The following HMG20A variants were observed in gnomAD, a reference collection of about 807,000 sequenced individuals.
HMG20A encodes the protein high mobility group 20A.
A neutral mutation model predicts 43.9 loss-of-function variants in HMG20A; 17 were observed. That is an observed-to-expected ratio of 0.39 (90% CI 0.27 to 0.58). The LOEUF (loss-of-function observed/expected upper bound fraction) is 0.58, where lower values mean the gene tolerates loss of function less well. Among genes scored for constraint, HMG20A ranks in the 20% least tolerant of loss-of-function variants. The pLI, the probability that HMG20A is intolerant of heterozygous loss-of-function variation, is 0.59. For synonymous variants in HMG20A, 132 were observed against 147.5 expected (o/e 0.89, Z 0.76); for missense variants, 341 against 438.2 (o/e 0.78, Z 1.98).
At chr15:77,501,492 G>A in the HMG20A span, among the ~76,000 whole-genome samples, 1 of 152,146 alleles carries the variant, frequency 6.6e-6, no homozygotes, top group Non-Finnish European at 1.5e-5. Flanking sequence ...GCTCTCTTGG[G>A]ACTCCATCTG....
At chr15:77,428,406 A>G (rs1388929150) in intron 1 of HMG20A, among the ~76,000 whole-genome samples, 1 of 152,220 alleles carries the variant, frequency 6.6e-6, no homozygotes, top group Non-Finnish European at 1.5e-5. Flanking sequence ...TAAAATAGTA[A>G]CTTAAAGTCT....
intron 3 of HMG20A, among the ~76,000 whole-genome samples, chr15:77,465,232 G>A (rs1400924903): frequency 8.6e-6 from 1 of 115,958 alleles, no homozygotes; most frequent in Non-Finnish European, 1.6e-5. Flanking sequence ...CTGAACTCCA[G>A]CCTGGGCTAC....
chr15:77,497,680 AGAGT>A, the HMG20A span, among the ~76,000 whole-genome samples: 1,889 of 129,704 alleles, frequency 0.015, 15 homozygotes, highest in African/African-American at 0.032. Context: ...AGAGAGAGAG[AGAGT>A]GTGTGTGTGT....
chr15:77,467,162 C>A lies in HMG20A; in HGVS notation c.305C>A (p.Ala102Glu). ...KRKKPLRDSN[A>E]PKSPLTGYVR... ...AAGAAACCTCTTCGAGACAGCAATG[C>A]ACCCAAATCCCCCCTTACAGGATAT... The change falls in exon 4 of 10, where the codon GCA becomes GAA. Residue 102 changes from alanine to glutamate, a missense_variant. Ala to Glu is a moderately radical substitution (Grantham distance 107). This residue lies in a region of HMG20A where 220 missense variants were observed against 263.6 expected (regional missense o/e 0.83). Transcript: ENST00000336216. 3.7e-6 allele frequency: 6 copies of A among 1,614,078 alleles called. No individual in the cohort carries two copies. Among genetic ancestry groups the A allele is most frequent in the Non-Finnish European group, 5.1e-6 (6 of 1,179,960 alleles).
At chr15:77,491,137 A>G in the HMG20A span, among the ~76,000 whole-genome samples, 3 of 152,280 alleles carry the variant, frequency 2.0e-5, no homozygotes, top group African/African-American at 7.2e-5. Flanking sequence ...TGACCATTAG[A>G]AAATCCTGGG....
intron 1 of HMG20A, among the ~76,000 whole-genome samples, chr15:77,441,951 G>A (rs962219132): frequency 3.9e-5 from 6 of 152,088 alleles, no homozygotes; most frequent in African/African-American, 1.4e-4. Flanking sequence ...TTTCGTGTAA[G>A]GCAATTTAGA....
At chr15:77,495,665 A>C in the HMG20A span, among the ~76,000 whole-genome samples, 3 of 152,224 alleles carry the variant, frequency 2.0e-5, no homozygotes, top group South Asian at 6.2e-4. Context: ...AATATGCAGC[A>C]CTCCAAGGCC....
chr15:77,496,626 A>C, the HMG20A span, among the ~76,000 whole-genome samples: 2 of 152,186 alleles, frequency 1.3e-5, no homozygotes, highest in Non-Finnish European at 2.9e-5. Flanking sequence ...TTTCTTCCCC[A>C]GGGGAAAAGA....
intron 9 of HMG20A, chr15:77,482,221 C>T (rs924200426): frequency 4.6e-5 from 7 of 152,042 alleles, no homozygotes; most frequent in African/African-American, 1.5e-4. Flanking sequence ...CATTAAGATA[C>T]ATAGGAAGTA....
intron 2 of HMG20A, among the ~76,000 whole-genome samples, chr15:77,458,957 G>A (rs764663621): frequency 6.6e-4 from 101 of 152,108 alleles, no homozygotes; most frequent in Non-Finnish European, 1.1e-3. Context: ...CCTTTCTGTG[G>A]GATCTTTTGA....
At chr15:77,451,354 T>A (rs968263803) in intron 1 of HMG20A, among the ~76,000 whole-genome samples, 2 of 152,336 alleles carry the variant, frequency 1.3e-5, no homozygotes, top group African/African-American at 4.8e-5. Flanking sequence ...TCTTTTGAAA[T>A]GTCTGTACTG....
At chr15:77,497,291 C>T in the HMG20A span, among the ~76,000 whole-genome samples, 1 of 152,244 alleles carries the variant, frequency 6.6e-6, no homozygotes, top group African/African-American at 2.4e-5. Flanking sequence ...GTGGCACTGT[C>T]TCTGGCCTGT....
chr15:77,466,643 A>G lies in HMG20A; in HGVS notation c.238-452A>G, dbSNP rs200908975. On this transcript the variant is annotated intron_variant, in intron 3 of 9. Coordinates refer to ENST00000336216, the MANE Select transcript of HMG20A (RefSeq NM_001304504.2). Reference sequence around the variant, plus strand: ...TTTCTTCTTTTGCCTGGTGCACGTGACACCATCTTACTCTAATCTGACAAT... The same window carrying G: ...TTTCTTCTTTTGCCTGGTGCACGTGGCACCATCTTACTCTAATCTGACAAT... Among the ~76,000 whole-genome samples the G allele has an allele frequency of 1.4e-4, 22 of 152,256 alleles. No individual in the cohort carries two copies. The East Asian group carries it at 3.1e-3, about 21-fold the overall frequency.
intron 5 of HMG20A, among the ~76,000 whole-genome samples, chr15:77,471,558 G>A (rs2072808610): frequency 6.6e-6 from 1 of 152,134 alleles, no homozygotes; most frequent in South Asian, 2.1e-4. Flanking sequence ...CTAAAGTTAA[G>A]AACTGTGTCT....
chr15:77,435,232 A>G (rs62007307), intron 1 of HMG20A, among the ~76,000 whole-genome samples: 12,121 of 152,208 alleles, frequency 0.08, 592 homozygotes, highest in Non-Finnish European at 0.1. Context: ...TACAGGTGAT[A>G]CAGTCTATGA....
the HMG20A span, among the ~76,000 whole-genome samples, chr15:77,497,254 G>T: frequency 2.6e-5 from 4 of 152,234 alleles, no homozygotes; most frequent in Non-Finnish European, 5.9e-5. Context: ...GCATCTGCTG[G>T]TCCCGTTCCC....
chr15:77,476,154 G>A (rs972765967), intron 6 of HMG20A, among the ~76,000 whole-genome samples: 6 of 152,034 alleles, frequency 3.9e-5, no homozygotes, highest in African/African-American at 1.5e-4. Context: ...CTTTTCTACT[G>A]GGCACCAAGT....
At chr15:77,466,812 T>C (rs933084297) in intron 3 of HMG20A, among the ~76,000 whole-genome samples, 7 of 152,250 alleles carry the variant, frequency 4.6e-5, no homozygotes, top group Admixed American at 3.3e-4. Flanking sequence ...GCACCTCTTA[T>C]TCTCATACAT....
intron 1 of HMG20A, among the ~76,000 whole-genome samples, chr15:77,433,543 A>G (rs2073512301): frequency 6.6e-6 from 1 of 152,160 alleles, no homozygotes; most frequent in South Asian, 2.1e-4. Flanking sequence ...TTACAGAGCA[A>G]TCTCTTTCGT....
Sources: allele counts gnomAD v4.1 joint callset (sites outside exome capture counted in the v4.1 genomes callset), GRCh38; gene constraint gnomAD v4.1.1; regional missense constraint gnomAD v4.1.1; transcripts MANE v1.5; gene names NCBI Gene and HGNC (gene_info 2026-07-23, HGNC 2026-07-21).